The following PPM1H variants were observed in gnomAD, a reference collection of about 807,000 sequenced individuals.
PPM1H encodes protein phosphatase 1H.
Under a neutral mutation model 54.9 loss-of-function variants are expected in PPM1H, and 27 were observed. That is an observed-to-expected ratio of 0.49 (90% CI 0.36 to 0.68). The LOEUF is 0.68. Among genes scored for constraint, PPM1H ranks in the 30% least tolerant of loss-of-function variants. The pLI, the probability that PPM1H is intolerant of heterozygous loss-of-function variation, is 0.00. For missense variants in PPM1H, 596 were observed against 667.8 expected, an observed-to-expected ratio of 0.89 and a Z score of 1.19; for synonymous variants, 305 against 270.8, an observed-to-expected ratio of 1.13 and a Z score of -1.24.
intron 4 of PPM1H, among the ~76,000 whole-genome samples, chr12:62,754,702 C>T (rs2076460604): frequency 1.3e-5 from 2 of 152,240 alleles, no homozygotes; most frequent in Admixed American, 6.5e-5. Flanking sequence ...TCCCAAACCC[C>T]TTCCTTGTCC....
At position 62,755,831 on chromosome 12, in the gene PPM1H, G is replaced by A. The variant is rs189137874; in HGVS notation, c.870-18245C>T. 690 of 810,430 alleles carry A rather than the reference G, an allele frequency of 8.5e-4. 2 individuals are homozygous for A. The African/African-American group carries it at 0.01, about 12-fold the overall frequency. 50.2% of individuals were successfully genotyped at this position (810,430 alleles called of 1,614,324 possible). A position where few individuals can be genotyped will look rare whatever the true frequency, so the allele number is the denominator to read the frequency against. On this transcript the variant is annotated intron_variant, in intron 4 of 9. Transcript: ENST00000228705. ...GAAACTGTGGTGTGACAGCCACGGC[G>A]CTCTCCAGAACATCATCCCTGCCTC...
Position 62,676,868 on chromosome 12 carries a change from G to A in PPM1H, c.1246-9539C>T, listed in dbSNP as rs552713186. Among the ~76,000 whole-genome samples, 7 of 152,224 alleles carry A rather than the reference G, an allele frequency of 4.6e-5. No individual in the cohort carries two copies. The East Asian group carries it at 5.8e-4, about 13-fold the overall frequency. On this transcript the variant is annotated intron_variant, in intron 8 of 9. Coordinates refer to ENST00000228705, the MANE Select transcript of PPM1H (RefSeq NM_020700.2). ...CCTGGGGGGAAAGGGGCAGGTCCGC[G>A]GTAAAGCAGCATCTTCAAGCCAAGG... is the stretch of plus-strand genomic sequence containing the variant.
chr12:62,700,017 C>T (rs1225812055), intron 6 of PPM1H, among the ~76,000 whole-genome samples: 1 of 152,146 alleles, frequency 6.6e-6, no homozygotes, highest in African/African-American at 2.4e-5. Flanking sequence ...TAGGCTGAGG[C>T]TCTCTCACTG....
intron 8 of PPM1H, among the ~76,000 whole-genome samples, chr12:62,674,221 G>A (rs550880250): frequency 6.6e-6 from 1 of 152,274 alleles, no homozygotes; most frequent in South Asian, 2.1e-4. Flanking sequence ...AGAAGGAAAG[G>A]ATTAAGAGTG....
chr12:62,817,390 A>G (rs1265576144), intron 2 of PPM1H, among the ~76,000 whole-genome samples: 1 of 151,642 alleles, frequency 6.6e-6, no homozygotes, highest in African/African-American at 2.4e-5. Context: ...TGAACCTGGC[A>G]GGCGGAGCTT....
chr12:62,778,387 G>A (rs1228709406), intron 4 of PPM1H, among the ~76,000 whole-genome samples: 1 of 152,082 alleles, frequency 6.6e-6, no homozygotes, highest in Non-Finnish European at 1.5e-5. Flanking sequence ...TCTAGCCAAT[G>A]GAATGCACCC....
chr12:62,843,455 C>T (rs549948), intron 1 of PPM1H, among the ~76,000 whole-genome samples: 27,804 of 152,144 alleles, frequency 0.18, 3,785 homozygotes, highest in African/African-American at 0.39. Flanking sequence ...TGCATGATGA[C>T]TTATTTAGGT....
chr12:62,746,213 AAAAC>A (rs1164531601), intron 4 of PPM1H, among the ~76,000 whole-genome samples: 16 of 152,098 alleles, frequency 1.1e-4, no homozygotes. Context: ...AACAAAAACA[AAAAC>A]AAAGTGTGAA....
intron 1 of PPM1H, among the ~76,000 whole-genome samples, chr12:62,851,971 C>T (rs757444914): frequency 7.3e-5 from 11 of 151,248 alleles, no homozygotes; most frequent in African/African-American, 2.4e-4. Flanking sequence ...CGGTGGCTCA[C>T]GCCTGTAATC....
At chr12:62,864,764 G>C (rs1312400143) in intron 1 of PPM1H, among the ~76,000 whole-genome samples, 1 of 152,108 alleles carries the variant, frequency 6.6e-6, no homozygotes, top group Non-Finnish European at 1.5e-5. Flanking sequence ...GGTACAATAT[G>C]AGTAAAATGT....
At chr12:62,809,577 G>A (rs1366566478) in intron 2 of PPM1H, among the ~76,000 whole-genome samples, 2 of 152,216 alleles carry the variant, frequency 1.3e-5, no homozygotes, top group Admixed American at 1.3e-4. Context: ...ATGCAACTGT[G>A]AATCTAAGAG....
intron 1 of PPM1H, among the ~76,000 whole-genome samples, chr12:62,898,340 T>C (rs184881172): frequency 6.6e-6 from 1 of 152,332 alleles, no homozygotes; most frequent in Non-Finnish European, 1.5e-5. Flanking sequence ...CAGACACTTT[T>C]AATTAATTCT....
At chr12:62,711,503 A>G (rs1394620049) in intron 6 of PPM1H, among the ~76,000 whole-genome samples, 1 of 152,194 alleles carries the variant, frequency 6.6e-6, no homozygotes, top group Non-Finnish European at 1.5e-5. Context: ...TTAAAAGGAC[A>G]CTACTTTAAG....
intron 1 of PPM1H, among the ~76,000 whole-genome samples, chr12:62,919,705 G>A (rs1042191151): frequency 6.6e-6 from 1 of 152,118 alleles, no homozygotes; most frequent in African/African-American, 2.4e-5. Flanking sequence ...AGAAGGTTGG[G>A]AACCAGGACT....
chr12:62,693,800 T>A, intron 7 of PPM1H, 136 bp downstream of exon 7: 6 of 748,622 alleles, frequency 8.0e-6, no homozygotes, highest in Non-Finnish European at 1.3e-5. Flanking sequence ...GGATGATGGA[T>A]GGGATATGCT....
rs541217454 is a variant in PPM1H, at chr12:62,739,763, G to T, written c.870-2177C>A. Among the ~76,000 whole-genome samples, 89 of 152,336 alleles carry T rather than the reference G, an allele frequency of 5.8e-4. 1 individual carries two copies. Among genetic ancestry groups the T allele is most frequent in the African/African-American group, 2.1e-3 (88 of 41,580 alleles). ...TTGCTGATTAAAGGAGCAGATGAAA[G>T]AACTTAGAAGAAACTGTTCCTTGAA... On this transcript the variant is annotated intron_variant, in intron 4 of 9. Coordinates refer to ENST00000228705, the MANE Select transcript of PPM1H (RefSeq NM_020700.2).
rs1318685149 is a variant in PPM1H at position 62,645,921 on chromosome 12, G to A, written c.*2568C>T. The A allele has an allele frequency of 6.6e-6, 1 of 152,138 alleles. No homozygotes were observed. Among genetic ancestry groups the A allele is most frequent in the African/African-American group, 2.4e-5 (1 of 41,426 alleles). The allele number at this position is 152,138 out of a possible 1,614,324, so 9.4% of individuals were successfully genotyped here. On this transcript the variant is annotated 3_prime_UTR_variant, in exon 10 of 10. Coordinates refer to ENST00000228705, the MANE Select transcript of PPM1H (RefSeq NM_020700.2). ...AGGGGCCAACCCGTTATGTAGACAC[G>A]GTTACTGTTTTAGGACTGGGTGACA...
intron 1 of PPM1H, among the ~76,000 whole-genome samples, chr12:62,913,294 G>T (rs1024651154): frequency 5.3e-5 from 8 of 152,308 alleles, no homozygotes; most frequent in South Asian, 2.1e-4. Context: ...AGACTTCGTG[G>T]ACTAGAGAGT....
intron 1 of PPM1H, among the ~76,000 whole-genome samples, chr12:62,865,907 A>G (rs1309860038): frequency 6.6e-6 from 1 of 152,234 alleles, no homozygotes; most frequent in Admixed American, 6.5e-5. Context: ...GTTCTTGACC[A>G]GTAGTAACCA....
Sources: gnomAD v4.1 joint callset for allele counts (sites outside exome capture counted in the v4.1 genomes callset) on GRCh38, gnomAD v4.1.1 for gene constraint, MANE v1.5 for transcripts, NCBI Gene and HGNC (gene_info 2026-07-23, HGNC 2026-07-21) for gene names.